GRID1: variants seen among roughly 807,000 people sequenced by gnomAD.
The protein encoded by GRID1 is glutamate ionotropic receptor delta type subunit 1.
GRID1 carries 28 observed loss-of-function variants against 98.0 expected under a neutral mutation model. The observed-to-expected ratio is 0.29, with a 90% CI of 0.21 to 0.39. The LOEUF is 0.39. GRID1 is among the 10% of genes least tolerant of loss of function. The pLI is 1.00. For synonymous variants in GRID1, 553 were observed against 538.5 expected, an observed-to-expected ratio of 1.03 and a Z score of -0.37; for missense variants, 1,111 against 1,340.5, an observed-to-expected ratio of 0.83 and a Z score of 2.67.
At chr10:86,329,717 G>GGTC (rs1475014757) in intron 2 of GRID1, among the ~76,000 whole-genome samples, 2 of 152,126 alleles carry the variant, frequency 1.3e-5, no homozygotes, top group Non-Finnish European at 2.9e-5. Context: ...CCCTGCTGGG[G>GGTC]GTCTCTGCTC....
rs192084837 is a variant in GRID1, at chr10:85,760,861, G to A, written c.1234-31247C>T. On this transcript the variant is annotated intron_variant, in intron 8 of 15. Coordinates refer to ENST00000327946, the MANE Select transcript of GRID1 (RefSeq NM_017551.3). ...ATGTTGTTGCCAGAGCATCAGCAGG[G>A]CCATCAAACTTTACCCAAAGCACCA... Among the ~76,000 whole-genome samples the A allele has an allele frequency of 7.0e-4, 107 of 152,228 alleles. 1 individual carries two copies. Among genetic ancestry groups the A allele is most frequent in the Middle Eastern group, 3.4e-3 (1 of 294 alleles).
intron 5 of GRID1, among the ~76,000 whole-genome samples, chr10:85,874,991 G>C (rs1356684430): frequency 6.6e-6 from 1 of 152,040 alleles, no homozygotes; most frequent in Non-Finnish European, 1.5e-5. Flanking sequence ...TCAGCCTCCT[G>C]AGTAGCTGGG....
intron 12 of GRID1, among the ~76,000 whole-genome samples, chr10:85,691,255 C>A (rs759881908): frequency 9.2e-5 from 14 of 152,236 alleles, no homozygotes; most frequent in Non-Finnish European, 1.8e-4. Context: ...CTGACCTCCT[C>A]TGCCAACGAG....
chr10:86,243,352 C>T lies in GRID1; in HGVS notation c.236-36704G>A, dbSNP rs537141701. 3.3e-5 allele frequency among the ~76,000 whole-genome samples: 5 copies of T among 152,230 alleles called. No individual in the cohort carries two copies. In the East Asian group the frequency reaches 9.7e-4, roughly 30 times the overall value. On this transcript the variant is annotated intron_variant, in intron 2 of 15. Coordinates refer to ENST00000327946, the MANE Select transcript of GRID1 (RefSeq NM_017551.3). ...GGAGTCTTTAGGGGCTGAGTTACTC[C>T]TGGGCCCTAACCAGGCCTGGAGAGC... is the stretch of plus-strand genomic sequence containing the variant.
intron 12 of GRID1, among the ~76,000 whole-genome samples, chr10:85,650,793 G>A (rs945647439): frequency 1.3e-5 from 2 of 152,154 alleles, no homozygotes; most frequent in African/African-American, 4.8e-5. Context: ...ACCTGAGAAG[G>A]CATTTGGGTA....
intron 2 of GRID1, among the ~76,000 whole-genome samples, chr10:86,208,797 C>G (rs911372793): frequency 1.3e-5 from 2 of 152,162 alleles, no homozygotes; most frequent in Non-Finnish European, 2.9e-5. Flanking sequence ...AGTAAAGACT[C>G]GTGCAAGAAC....
At chr10:86,003,922 G>T (rs1564647434) in intron 4 of GRID1, among the ~76,000 whole-genome samples, 1 of 152,158 alleles carries the variant, frequency 6.6e-6, no homozygotes, top group Non-Finnish European at 1.5e-5. Flanking sequence ...TAGGGCACAA[G>T]GAAAGCAACA....
chr10:86,193,182 T>G (rs1845829241), intron 3 of GRID1, among the ~76,000 whole-genome samples: 1 of 151,940 alleles, frequency 6.6e-6, no homozygotes, highest in Admixed American at 6.6e-5. Context: ...TGGGGTGCAG[T>G]CAGGAGAGTG....
chr10:86,229,586 G>A (rs1226961556), intron 2 of GRID1, among the ~76,000 whole-genome samples: 1 of 152,158 alleles, frequency 6.6e-6, no homozygotes, highest in Non-Finnish European at 1.5e-5. Flanking sequence ...GGCAGTGGGT[G>A]CACTTCTGGG....
chr10:85,760,047 T>G (rs1842132980), intron 8 of GRID1, among the ~76,000 whole-genome samples: 2 of 152,198 alleles, frequency 1.3e-5, no homozygotes, highest in Admixed American at 1.3e-4. Flanking sequence ...GTGGGGCTCT[T>G]GATGGTAACA....
chr10:85,639,288 T>C (rs1843086381), intron 13 of GRID1, among the ~76,000 whole-genome samples: 1 of 152,348 alleles, frequency 6.6e-6, no homozygotes, highest in South Asian at 2.1e-4. Flanking sequence ...AAATCTCATA[T>C]ACATTTTGTT....
intron 2 of GRID1, among the ~76,000 whole-genome samples, chr10:86,252,083 C>T (rs538832280): frequency 5.9e-5 from 9 of 152,340 alleles, no homozygotes; most frequent in African/African-American, 2.2e-4. Flanking sequence ...AGTTGCTCCA[C>T]TACTAAGTAG....
At chr10:86,245,574 A>G (rs933458679) in intron 2 of GRID1, among the ~76,000 whole-genome samples, 3 of 151,784 alleles carry the variant, frequency 2.0e-5, no homozygotes, top group Non-Finnish European at 4.4e-5. Flanking sequence ...CTCCTCTACT[A>G]TTCGCTTTAC....
At chr10:85,896,774 A>G (rs117487783) in intron 5 of GRID1, among the ~76,000 whole-genome samples, 5,783 of 152,306 alleles carry the variant, frequency 0.038, 158 homozygotes, top group Middle Eastern at 0.092. Context: ...GACAGGCACT[A>G]TGATAAAAGC....
chr10:86,292,377 G>C (rs1847527286), intron 2 of GRID1, among the ~76,000 whole-genome samples: 1 of 152,212 alleles, frequency 6.6e-6, no homozygotes, highest in African/African-American at 2.4e-5. Flanking sequence ...TTCCCTGTTG[G>C]GAAAATGGAT....
At chr10:85,830,572 A>C (rs1842859236) in intron 8 of GRID1, among the ~76,000 whole-genome samples, 1 of 151,648 alleles carries the variant, frequency 6.6e-6, no homozygotes, top group Non-Finnish European at 1.5e-5. Flanking sequence ...TATGCATCCA[A>C]TAAAGGTCTA....
intron 3 of GRID1, among the ~76,000 whole-genome samples, chr10:86,157,673 G>A (rs555803718): frequency 6.6e-6 from 1 of 152,174 alleles, no homozygotes; most frequent in Admixed American, 6.5e-5. Flanking sequence ...GAGTTCTTAG[G>A]CCACCTCTGT....
At chr10:86,007,003 C>T (rs192169733) in intron 4 of GRID1, among the ~76,000 whole-genome samples, 6 of 151,958 alleles carry the variant, frequency 3.9e-5, no homozygotes, top group South Asian at 2.1e-4. Context: ...CGTCCTTGGG[C>T]GGGAGGATGG....
At chr10:86,340,368 A>G (rs959821199) in intron 2 of GRID1, among the ~76,000 whole-genome samples, 1 of 152,234 alleles carries the variant, frequency 6.6e-6, no homozygotes, top group African/African-American at 2.4e-5. Context: ...GTGTTGACAC[A>G]GGCCTAATGC....
Sources: gnomAD v4.1 joint callset for allele counts (sites outside exome capture counted in the v4.1 genomes callset) on GRCh38, gnomAD v4.1.1 for gene constraint, MANE v1.5 for transcripts, NCBI Gene and HGNC (gene_info 2026-07-23, HGNC 2026-07-21) for gene names.